Variants in MKLN1 observed in about 807,000 individuals in gnomAD.
The protein encoded by MKLN1 is muskelin 1, also known as muskelin.
MKLN1 carries 18 observed loss-of-function variants against 99.0 expected under a neutral mutation model. That is an observed-to-expected ratio of 0.18 (90% CI 0.13 to 0.27). The LOEUF is 0.27. MKLN1 is among the 10% of genes least tolerant of loss of function. The pLI, the probability that MKLN1 is intolerant of heterozygous loss-of-function variation, is 1.00. For synonymous variants in MKLN1, 288 were observed against 293.2 expected, an observed-to-expected ratio of 0.98 and a Z score of 0.18; for missense variants, 621 against 875.9, an observed-to-expected ratio of 0.71 and a Z score of 3.67.
chr7:131,239,861 T>C (rs967764351), intron 3 of MKLN1, among the ~76,000 whole-genome samples: 7 of 151,964 alleles, frequency 4.6e-5, no homozygotes, highest in Non-Finnish European at 7.4e-5. Flanking sequence ...GAAGGTGTCC[T>C]ATTAATAATA....
intron 8 of MKLN1, among the ~76,000 whole-genome samples, chr7:131,426,259 T>A (rs1795353343): frequency 6.6e-6 from 1 of 152,214 alleles, no homozygotes; most frequent in African/African-American, 2.4e-5. Context: ...GAGGAAGGGT[T>A]ATTAAAGTTA....
chr7:131,275,567 A>ATTTTTTTTTT (rs869119196), intron 3 of MKLN1, among the ~76,000 whole-genome samples: 1 of 5,620 alleles, frequency 1.8e-4, no homozygotes, highest in Non-Finnish European at 3.9e-4. Flanking sequence ...ATATATATAT[A>ATTTTTTTTTT]TTTTTTTTTT....
intron 8 of MKLN1, among the ~76,000 whole-genome samples, chr7:131,421,317 G>A (rs946700114): frequency 8.5e-5 from 13 of 152,088 alleles, no homozygotes; most frequent in Admixed American, 6.6e-4. Flanking sequence ...CCCTGTTATT[G>A]ATCAGCAGTT....
At chr7:131,377,933 A>G (rs1372684148) in intron 2 of MKLN1, among the ~76,000 whole-genome samples, 1 of 152,196 alleles carries the variant, frequency 6.6e-6, no homozygotes, top group African/African-American at 2.4e-5. Context: ...ATACCATGCA[A>G]TCTAGTTTTC....
intron 6 of MKLN1, among the ~76,000 whole-genome samples, chr7:131,400,516 A>T (rs577308903): frequency 3.1e-4 from 33 of 108,092 alleles, no homozygotes; most frequent in African/African-American, 1.0e-3. Context: ...CAATAAAAAA[A>T]AAATATATAT....
chr7:131,323,083 T>C (rs1342529474), upstream of MKLN1, among the ~76,000 whole-genome samples: 4 of 152,202 alleles, frequency 2.6e-5, no homozygotes, highest in African/African-American at 7.2e-5. Flanking sequence ...AAAAATTTTG[T>C]TGGATCTGCA....
At chr7:131,229,621 C>A (rs532853175) in intron 3 of MKLN1, among the ~76,000 whole-genome samples, 2 of 152,214 alleles carry the variant, frequency 1.3e-5, no homozygotes, top group Middle Eastern at 3.4e-3. Context: ...GGTGACAAGA[C>A]CACAGCTCAC....
intron 8 of MKLN1, among the ~76,000 whole-genome samples, chr7:131,423,276 T>G (rs1321649837): frequency 6.6e-6 from 1 of 152,226 alleles, no homozygotes; most frequent in Non-Finnish European, 1.5e-5. Flanking sequence ...TGTAGAAATT[T>G]GAACCTTTAA....
chr7:131,145,040 G>A (rs752653163), intron 2 of MKLN1, among the ~76,000 whole-genome samples: 5 of 152,000 alleles, frequency 3.3e-5, no homozygotes, highest in African/African-American at 7.2e-5. Context: ...ATGCATATTC[G>A]GATCTCCAGG....
intron 1 of MKLN1, among the ~76,000 whole-genome samples, chr7:131,116,149 C>CA (rs1208012215): frequency 1.3e-5 from 2 of 151,506 alleles, no homozygotes; most frequent in Admixed American, 6.6e-5. Flanking sequence ...ACTAAAAAGA[C>CA]AAAAAATTAG....
At chr7:131,444,812 AGTAGTAGTAGAAGTGGAAGTG>A (rs1795959489) in intron 11 of MKLN1, among the ~76,000 whole-genome samples, 1 of 148,440 alleles carries the variant, frequency 6.7e-6, no homozygotes, top group Non-Finnish European at 1.5e-5. Context: ...TAGTAGTAGT[AGTAGTAGTAGAAGTGGAAGTG>A]GAAGTGGAAG....
At chr7:131,314,962 G>C (rs1798637818) in intron 3 of MKLN1, among the ~76,000 whole-genome samples, 1 of 151,876 alleles carries the variant, frequency 6.6e-6, no homozygotes, top group Admixed American at 6.6e-5. Flanking sequence ...TTTTTGTAGA[G>C]ACAGGGACTC....
At chr7:131,343,725 G>A (rs1404665543) in intron 1 of MKLN1, among the ~76,000 whole-genome samples, 1 of 152,066 alleles carries the variant, frequency 6.6e-6, no homozygotes, top group Non-Finnish European at 1.5e-5. Context: ...CTCTTTTGAG[G>A]AAATGAAGAT....
At chr7:131,329,764 T>C (rs1799016321) in intron 1 of MKLN1, among the ~76,000 whole-genome samples, 1 of 152,222 alleles carries the variant, frequency 6.6e-6, no homozygotes, top group African/African-American at 2.4e-5. Flanking sequence ...CTTTTGTGTC[T>C]TGTTACTCTG....
At chr7:131,306,221 C>T (rs1185106383) in intron 3 of MKLN1, among the ~76,000 whole-genome samples, 1 of 152,222 alleles carries the variant, frequency 6.6e-6, no homozygotes, top group Non-Finnish European at 1.5e-5. Context: ...ATAAATTACT[C>T]AGTCTCAGGT....
chr7:131,232,317 G>T (rs1305628792), intron 3 of MKLN1, among the ~76,000 whole-genome samples: 2 of 152,156 alleles, frequency 1.3e-5, no homozygotes, highest in African/African-American at 4.8e-5. Context: ...TTTCATTTCA[G>T]TTCATGTAGA....
intron 1 of MKLN1, among the ~76,000 whole-genome samples, chr7:131,372,089 T>TGAA (rs1184420672): frequency 1.3e-5 from 2 of 152,008 alleles, no homozygotes; most frequent in East Asian, 3.9e-4. Flanking sequence ...CTGTGAAAGA[T>TGAA]GAAGGAACTA....
chr7:131,471,888 T>A (rs1398938473), intron 16 of MKLN1: 2 of 152,236 alleles, frequency 1.3e-5, no homozygotes, highest in Non-Finnish European at 2.9e-5. Context: ...AGAGGCTGCA[T>A]GTCTTCAGCA....
chr7:131,443,506 T>C lies in MKLN1; in HGVS notation c.1199T>C (p.Met400Thr), dbSNP rs1259383967. The C allele has an allele frequency of 2.5e-6, 4 of 1,601,348 alleles. No homozygotes were observed. The highest frequency in any genetic ancestry group is 1.4e-5 in the African/African-American group (1 of 71,280). The change falls in exon 11 of 18, where the codon ATG becomes ACG. Residue 400 changes from methionine (M) to threonine (T), a missense_variant. Met to Thr is a moderately conservative substitution (Grantham distance 81). Coordinates refer to ENST00000352689, the MANE Select transcript of MKLN1 (RefSeq NM_013255.5). ...HQMCMDSEKH[M>T]IYTFGGRILT... ...ATGTGTATGGACTCAGAAAAACATA[T>C]GATCTACACTTTTGGTGGTAGAATT... is the stretch of plus-strand genomic sequence containing the variant.
Sources: allele counts gnomAD v4.1 joint callset (sites outside exome capture counted in the v4.1 genomes callset), GRCh38; gene constraint gnomAD v4.1.1; transcripts MANE v1.5; gene names NCBI Gene and HGNC (gene_info 2026-07-23, HGNC 2026-07-21).